TENM3: variants seen among roughly 807,000 people sequenced by gnomAD.
TENM3 encodes the protein teneurin transmembrane protein 3.
Under a neutral mutation model 255.1 loss-of-function variants are expected in TENM3, and 63 were observed. The ratio of observed to expected loss-of-function variants is 0.25; its 90% confidence interval spans 0.20 to 0.30. The LOEUF (loss-of-function observed/expected upper bound fraction) is 0.30. Ranked by LOEUF, TENM3 falls within the 10% of genes least tolerant of loss-of-function variation. The pLI is 1.00. For missense variants in TENM3, 2,929 were observed against 3,461.1 expected (o/e 0.85, Z 3.86); for synonymous variants, 1,306 against 1,322.3 (o/e 0.99, Z 0.27).
intron 1 of TENM3, among the ~76,000 whole-genome samples, chr4:182,302,482 T>C (rs1761906630): frequency 6.6e-6 from 1 of 152,200 alleles, no homozygotes; most frequent in Non-Finnish European, 1.5e-5. Context: ...GTGTTTTAAG[T>C]GGTTTAAAAG....
At chr4:182,763,871 C>T (rs1763428583) in intron 22 of TENM3, among the ~76,000 whole-genome samples, 1 of 152,162 alleles carries the variant, frequency 6.6e-6, no homozygotes, top group African/African-American at 2.4e-5. Context: ...AAATGTTATG[C>T]CCAGGAATTT....
At chr4:182,611,320 G>C (rs1232288178) in intron 4 of TENM3, among the ~76,000 whole-genome samples, 1 of 122,568 alleles carries the variant, frequency 8.2e-6, no homozygotes, top group Non-Finnish European at 1.8e-5. Flanking sequence ...GAATTGAAAG[G>C]ATGAACTAAA....
chr4:182,066,803 C>T, the TENM3 span, among the ~76,000 whole-genome samples: 6 of 151,824 alleles, frequency 4.0e-5, no homozygotes, highest in Non-Finnish European at 7.4e-5. Context: ...CCCAGCTACT[C>T]GGGAGGCTGA....
the TENM3 span, among the ~76,000 whole-genome samples, chr4:181,601,563 G>A: frequency 2.0e-5 from 3 of 152,134 alleles, no homozygotes; most frequent in African/African-American, 4.8e-5. Flanking sequence ...TGCAGTGGGA[G>A]TCTAAATTGT....
At chr4:182,372,968 G>C (rs770524373) in intron 3 of TENM3, among the ~76,000 whole-genome samples, 2 of 152,020 alleles carry the variant, frequency 1.3e-5, no homozygotes, top group Non-Finnish European at 2.9e-5. Flanking sequence ...TCAAACTCCC[G>C]AACTCAAGCA....
the TENM3 span, among the ~76,000 whole-genome samples, chr4:181,737,149 T>C: frequency 3.3e-5 from 5 of 152,120 alleles, no homozygotes; most frequent in Non-Finnish European, 7.4e-5. Flanking sequence ...TTGCAACCAA[T>C]TTCAGAACAA....
At chr4:181,731,552 C>T in the TENM3 span, among the ~76,000 whole-genome samples, 1 of 152,084 alleles carries the variant, frequency 6.6e-6, no homozygotes, top group African/African-American at 2.4e-5. Context: ...AGGGTTTCAC[C>T]ATGTTGCCCA....
intron 12 of TENM3, among the ~76,000 whole-genome samples, chr4:182,710,721 G>A (rs1443250515): frequency 6.6e-6 from 1 of 152,152 alleles, no homozygotes; most frequent in East Asian, 1.9e-4. Context: ...ATCAACAAAA[G>A]CATCTTTGAA....
chr4:182,003,096 T>C, the TENM3 span, among the ~76,000 whole-genome samples: 1 of 152,094 alleles, frequency 6.6e-6, no homozygotes, highest in Admixed American at 6.6e-5. Context: ...ATACAAATAG[T>C]AGATGCACAG....
intron 3 of TENM3, among the ~76,000 whole-genome samples, chr4:182,423,853 C>T (rs1271742088): frequency 2.0e-5 from 3 of 152,092 alleles, no homozygotes; most frequent in Non-Finnish European, 2.9e-5. Context: ...TTTGCTTTCA[C>T]GTAAGTTCAG....
the TENM3 span, among the ~76,000 whole-genome samples, chr4:181,791,006 G>A: frequency 1.3e-5 from 2 of 152,098 alleles, no homozygotes; most frequent in East Asian, 1.9e-4. Context: ...AGATGATTAC[G>A]GGCCATATGA....
At chr4:182,680,472 G>A (rs773465352) in intron 9 of TENM3, 71 bp from the exon 10 acceptor site, 72 of 1,558,898 alleles carry the variant, frequency 4.6e-5, no homozygotes, top group Non-Finnish European at 5.6e-5. Context: ...TTGTTCCAGC[G>A]ATGTGTCTTT....
intron 1 of TENM3, among the ~76,000 whole-genome samples, chr4:182,180,112 T>TA (rs1051019992): frequency 0.016 from 2,321 of 144,016 alleles, 61 homozygotes; most frequent in African/African-American, 0.053. Context: ...ACTTTCAGGG[T>TA]AAAAAAAAAA....
intron 1 of TENM3, among the ~76,000 whole-genome samples, chr4:182,176,765 G>A (rs113934595): frequency 1.4e-4 from 21 of 150,518 alleles, no homozygotes; most frequent in African/African-American, 4.9e-4. Flanking sequence ...AGGTTCAAGC[G>A]ATTCTCCAGC....
the TENM3 span, among the ~76,000 whole-genome samples, chr4:181,888,309 G>T: frequency 6.6e-6 from 1 of 151,288 alleles, no homozygotes; most frequent in Non-Finnish European, 1.5e-5. Context: ...AGGGTTACAG[G>T]CATGAGCCAC....
At chr4:181,695,941 T>G in the TENM3 span, among the ~76,000 whole-genome samples, 1 of 152,210 alleles carries the variant, frequency 6.6e-6, no homozygotes, top group Admixed American at 6.5e-5. Context: ...TTTTTTTAAT[T>G]TAGGGGGTAA....
the TENM3 span, among the ~76,000 whole-genome samples, chr4:181,476,005 T>A: frequency 6.6e-6 from 1 of 152,344 alleles, no homozygotes; most frequent in Non-Finnish European, 1.5e-5. Flanking sequence ...AGAATGGTGC[T>A]GACTGTTCCC....
the TENM3 span, among the ~76,000 whole-genome samples, chr4:181,764,961 C>G: frequency 6.6e-6 from 1 of 152,162 alleles, no homozygotes; most frequent in African/African-American, 2.4e-5. Context: ...TCCTAAAGTG[C>G]TGGGATTACA....
chr4:181,551,828 ATATATGTATATGTGTG>A, the TENM3 span, among the ~76,000 whole-genome samples: 1 of 25,374 alleles, frequency 3.9e-5, no homozygotes, highest in African/African-American at 1.2e-4. Flanking sequence ...ATATATATAT[ATATATGTATATGTGTG>A]TGTGTGTGTG....
Sources: gnomAD v4.1 joint callset for allele counts (sites outside exome capture counted in the v4.1 genomes callset) on GRCh38, gnomAD v4.1.1 for gene constraint, MANE v1.5 for transcripts, NCBI Gene and HGNC (gene_info 2026-07-23, HGNC 2026-07-21) for gene names.